Variants in CAMTA1 observed in about 807,000 individuals in gnomAD.
CAMTA1 encodes the protein calmodulin-binding transcription activator 1.
Under a neutral mutation model 170.9 loss-of-function variants are expected in CAMTA1, and 27 were observed. The observed-to-expected ratio is 0.16, with a 90% confidence interval of 0.12 to 0.22. CAMTA1 has a LOEUF of 0.22. Ranked by LOEUF, CAMTA1 falls within the 10% of genes least tolerant of loss-of-function variation. CAMTA1 has a pLI of 1.00. For missense variants in CAMTA1, 1,619 were observed against 2,217.2 expected (o/e 0.73, Z 5.42); for synonymous variants, 833 against 891.5 (o/e 0.93, Z 1.17).
intron 3 of CAMTA1, among the ~76,000 whole-genome samples, chr1:6,920,823 A>G (rs4908429): frequency 0.35 from 52,635 of 152,080 alleles, 10,110 homozygotes; most frequent in Non-Finnish European, 0.44. Flanking sequence ...GGCTGGAGCA[A>G]CTGGGACATA....
At chr1:6,961,321 G>A (rs989825664) in intron 3 of CAMTA1, among the ~76,000 whole-genome samples, 40 of 152,330 alleles carry the variant, frequency 2.6e-4, no homozygotes, top group African/African-American at 9.1e-4. Context: ...AGGCCAGAGG[G>A]ACTGACCTAG....
At chr1:7,394,828 T>G (rs2089122392) in intron 5 of CAMTA1, among the ~76,000 whole-genome samples, 1 of 151,308 alleles carries the variant, frequency 6.6e-6, no homozygotes, top group African/African-American at 2.4e-5. Context: ...TGTGTGTGTG[T>G]GTGTGTGTGT....
At chr1:7,035,459 A>G (rs1268669794) in intron 3 of CAMTA1, among the ~76,000 whole-genome samples, 1 of 152,196 alleles carries the variant, frequency 6.6e-6, no homozygotes, top group South Asian at 2.1e-4. Flanking sequence ...TAAAACTGGC[A>G]AAGCGTGTGT....
chr1:7,415,357 G>C (rs2091086752), intron 5 of CAMTA1, among the ~76,000 whole-genome samples: 1 of 151,318 alleles, frequency 6.6e-6, no homozygotes, highest in Non-Finnish European at 1.5e-5. Flanking sequence ...TTGACAGTGG[G>C]GTGTTAAATT....
chr1:6,906,967 C>T (rs1678644299), intron 3 of CAMTA1, among the ~76,000 whole-genome samples: 1 of 152,188 alleles, frequency 6.6e-6, no homozygotes, highest in Non-Finnish European at 1.5e-5. Context: ...GTTGTCTCTC[C>T]CATCCCCCGC....
intron 6 of CAMTA1, among the ~76,000 whole-genome samples, chr1:7,554,333 C>G (rs976881917): frequency 6.6e-6 from 1 of 152,134 alleles, no homozygotes; most frequent in Non-Finnish European, 1.5e-5. Flanking sequence ...CTGTAGAGAC[C>G]TAGTATGTGC....
intron 4 of CAMTA1, among the ~76,000 whole-genome samples, chr1:7,238,117 T>A (rs1435415695): frequency 6.6e-6 from 1 of 152,022 alleles, no homozygotes; most frequent in African/African-American, 2.4e-5. Flanking sequence ...TGAATTCACA[T>A]ATACGTATCA....
At chr1:7,468,532 C>T (rs1170500859) in intron 6 of CAMTA1, among the ~76,000 whole-genome samples, 8 of 152,230 alleles carry the variant, frequency 5.3e-5, no homozygotes, top group Non-Finnish European at 1.2e-4. Flanking sequence ...CCCACCTGGC[C>T]TCTTGCCCTC....
intron 3 of CAMTA1, among the ~76,000 whole-genome samples, chr1:6,976,985 T>G (rs1969172): frequency 1.8e-4 from 15 of 83,800 alleles, no homozygotes; most frequent in Admixed American, 3.1e-4. Context: ...ACATGCCTTC[T>G]CTTCTCCTTT....
rs79616039 is a variant in CAMTA1, at chr1:7,227,202, T to C, written c.303-22289T>C. On this transcript the variant is annotated intron_variant, in intron 4 of 22. Coordinates refer to ENST00000303635, the MANE Select transcript of CAMTA1 (RefSeq NM_015215.4). Reference sequence around the variant, plus strand: ...AACTAGGCTGTGGAGAATGTCACTCTGTCCGTCTCTGTGCCCCTGTCCGCC... The same window carrying C: ...AACTAGGCTGTGGAGAATGTCACTCCGTCCGTCTCTGTGCCCCTGTCCGCC... 4.1e-3 allele frequency among the ~76,000 whole-genome samples: 630 copies of C among 152,328 alleles called. 3 individuals are homozygous for C. Among genetic ancestry groups the C allele is most frequent in the Middle Eastern group, 0.01 (3 of 294 alleles).
At chr1:7,553,959 A>G (rs1443669346) in intron 6 of CAMTA1, among the ~76,000 whole-genome samples, 1 of 152,096 alleles carries the variant, frequency 6.6e-6, no homozygotes, top group African/African-American at 2.4e-5. Context: ...GGTCCTAGCA[A>G]TTTGTACTCA....
chr1:7,644,399 G>A (rs905281508), intron 7 of CAMTA1, among the ~76,000 whole-genome samples: 1 of 152,226 alleles, frequency 6.6e-6, no homozygotes, highest in Admixed American at 6.5e-5. Context: ...AATCCCTTCT[G>A]TAATCATGAG....
intron 6 of CAMTA1, among the ~76,000 whole-genome samples, chr1:7,525,081 G>A (rs1018954914): frequency 1.3e-5 from 2 of 152,126 alleles, no homozygotes; most frequent in African/African-American, 4.8e-5. Flanking sequence ...CCCCCGCGTC[G>A]GCCCCCGTCG....
At position 7,568,887 on chromosome 1, in the gene CAMTA1, C is replaced by T. The variant is rs551980343; in HGVS notation, c.511-71513C>T. Among the ~76,000 whole-genome samples, 31 of 151,592 alleles carry T rather than the reference C, an allele frequency of 2.0e-4. No homozygotes were observed. The East Asian group carries it at 5.9e-3, about 29-fold the overall frequency. On this transcript the variant is annotated intron_variant, in intron 6 of 22. Coordinates refer to ENST00000303635, the MANE Select transcript of CAMTA1 (RefSeq NM_015215.4). ...ATCAACATCACCATCATCACCGCAT[C>T]ACCATCACCACCACCATCCATCATC...
chr1:7,126,144 G>A (rs1169286526), intron 4 of CAMTA1, among the ~76,000 whole-genome samples: 1 of 152,106 alleles, frequency 6.6e-6, no homozygotes, highest in East Asian at 1.9e-4. Context: ...GGGGGAAGCT[G>A]CCCCCATGAT....
chr1:6,847,660 C>T (rs1658750136), intron 3 of CAMTA1, among the ~76,000 whole-genome samples: 1 of 151,656 alleles, frequency 6.6e-6, no homozygotes, highest in Non-Finnish European at 1.5e-5. Context: ...CTGCCTCAGC[C>T]TCCCTAGTAG....
chr1:7,077,133 G>T (rs1221833657), intron 3 of CAMTA1, among the ~76,000 whole-genome samples: 1 of 151,896 alleles, frequency 6.6e-6, no homozygotes, highest in Non-Finnish European at 1.5e-5. Context: ...TTAAGGATTT[G>T]AGGCATTTGC....
intron 6 of CAMTA1, among the ~76,000 whole-genome samples, chr1:7,581,996 GTCT>G (rs1276980559): frequency 6.6e-6 from 1 of 152,120 alleles, no homozygotes; most frequent in Admixed American, 6.5e-5. Context: ...AGCTCTCTCC[GTCT>G]TCTTGTCTCT....
At chr1:7,491,906 A>G (rs12095468) in intron 6 of CAMTA1, among the ~76,000 whole-genome samples, 1,672 of 152,312 alleles carry the variant, frequency 0.011, 31 homozygotes, top group African/African-American at 0.037. Context: ...CCGACGAAAC[A>G]AAGACCCATG....
Sources: gnomAD v4.1 joint callset for allele counts (sites outside exome capture counted in the v4.1 genomes callset) on GRCh38, gnomAD v4.1.1 for gene constraint, MANE v1.5 for transcripts, NCBI Gene and HGNC (gene_info 2026-07-23, HGNC 2026-07-21) for gene names.